Variants in INSYN2B observed in about 807,000 individuals in gnomAD.
INSYN2B encodes the protein protein INSYN2B.
In INSYN2B, 16 loss-of-function variants were observed where a neutral mutation model predicts 41.2. The observed-to-expected ratio is 0.39, with a 90% CI of 0.26 to 0.59. INSYN2B has a LOEUF of 0.59. Among genes scored for constraint, INSYN2B ranks in the 20% least tolerant of loss-of-function variants. The pLI is 0.57. For synonymous variants in INSYN2B, 245 were observed against 244.4 expected (o/e 1.00, Z -0.02); for missense variants, 608 against 646.4 (o/e 0.94, Z 0.64).
chr5:169,874,006 C>T (rs1002355913), intron 3 of INSYN2B, among the ~76,000 whole-genome samples: 2 of 152,176 alleles, frequency 1.3e-5, no homozygotes, highest in African/African-American at 2.4e-5. Context: ...AACGAGAATG[C>T]TGGTTGCTAG....
At position 169,943,336 on chromosome 5, in the gene INSYN2B, G is replaced by T. The variant is rs561414141; in HGVS notation, c.-919+36941C>A. On this transcript the variant is annotated intron_variant, in intron 1 of 3. Coordinates refer to ENST00000377365, the MANE Select transcript of INSYN2B (RefSeq NM_001129891.3). ...TGTCTAAAGGTTGATCCCACCCTGA[G>T]ATCCAGGCCCTGTGGACAGGCAATA... 3.9e-5 allele frequency among the ~76,000 whole-genome samples: 6 copies of T among 152,266 alleles called. No homozygotes were observed. In the South Asian group the frequency reaches 1.2e-3, roughly 32 times the overall value.
intron 1 of INSYN2B, among the ~76,000 whole-genome samples, chr5:169,959,609 G>A (rs986078941): frequency 6.6e-6 from 1 of 152,128 alleles, no homozygotes; most frequent in Non-Finnish European, 1.5e-5. Context: ...CTTTTATTGG[G>A]AATGCTTCAC....
chr5:169,947,114 T>G (rs1776483549), intron 1 of INSYN2B, among the ~76,000 whole-genome samples: 1 of 152,180 alleles, frequency 6.6e-6, no homozygotes, highest in African/African-American at 2.4e-5. Flanking sequence ...CTGTTACCAT[T>G]TTGGAAACTT....
At chr5:169,936,815 A>G (rs1293408450) in intron 1 of INSYN2B, among the ~76,000 whole-genome samples, 1 of 152,182 alleles carries the variant, frequency 6.6e-6, no homozygotes, top group Non-Finnish European at 1.5e-5. Flanking sequence ...TAAATTAGCT[A>G]AATTGACAAA....
At chr5:169,885,645 C>A (rs1309298007) in intron 1 of INSYN2B, among the ~76,000 whole-genome samples, 4 of 152,164 alleles carry the variant, frequency 2.6e-5, no homozygotes, top group African/African-American at 7.2e-5. Flanking sequence ...ACTTTACATG[C>A]ATTAATTAAA....
chr5:169,902,829 G>A (rs1382883464), intron 1 of INSYN2B, among the ~76,000 whole-genome samples: 1 of 152,152 alleles, frequency 6.6e-6, no homozygotes, highest in Non-Finnish European at 1.5e-5. Flanking sequence ...GCCAGGCGTG[G>A]TGGCTCACGC....
chr5:169,978,342 T>A (rs1278404910), intron 1 of INSYN2B, among the ~76,000 whole-genome samples: 1 of 127,678 alleles, frequency 7.8e-6, no homozygotes, highest in Non-Finnish European at 1.6e-5. Flanking sequence ...TTCCCTCAGT[T>A]CACATGGCAC....
At chr5:169,949,570 G>A (rs1332883503) in intron 1 of INSYN2B, among the ~76,000 whole-genome samples, 1 of 151,632 alleles carries the variant, frequency 6.6e-6, no homozygotes, top group African/African-American at 2.4e-5. Flanking sequence ...CAGAGGCGGG[G>A]GAGCACAGCA....
At chr5:169,933,969 C>T (rs1775874894) in intron 1 of INSYN2B, among the ~76,000 whole-genome samples, 1 of 152,130 alleles carries the variant, frequency 6.6e-6, no homozygotes, top group African/African-American at 2.4e-5. Flanking sequence ...TTGTCTTTTT[C>T]TTCACTCAGC....
At chr5:169,880,328 A>T (rs1216994414) in intron 3 of INSYN2B, among the ~76,000 whole-genome samples, 1 of 152,270 alleles carries the variant, frequency 6.6e-6, no homozygotes, top group African/African-American at 2.4e-5. Flanking sequence ...TTCCAGGCAT[A>T]TGGTCTCTTA....
At chr5:169,933,129 G>A (rs1182793160) in intron 1 of INSYN2B, among the ~76,000 whole-genome samples, 1 of 152,316 alleles carries the variant, frequency 6.6e-6, no homozygotes, top group East Asian at 1.9e-4. Context: ...CCTGAAACAG[G>A]GTAAGGAGAA....
chr5:169,916,297 G>A (rs545429065), intron 1 of INSYN2B, among the ~76,000 whole-genome samples: 8 of 152,336 alleles, frequency 5.3e-5, no homozygotes, highest in African/African-American at 1.7e-4. Context: ...TGTGACTTGG[G>A]ATTTGTGTCT....
rs553369944 is a variant in INSYN2B, at chr5:169,951,715, G to A, written c.-919+28562C>T. 4.6e-5 allele frequency among the ~76,000 whole-genome samples: 7 copies of A among 152,322 alleles called. No homozygotes were observed. The South Asian group carries it at 1.4e-3, about 32-fold the overall frequency. ...GCTTCTGTTATATACACAAACATATGTATAGCTACACCAAGGATTGTGCTC... is the reference window on the plus strand; with the variant it reads ...GCTTCTGTTATATACACAAACATATATATAGCTACACCAAGGATTGTGCTC... On this transcript the variant is annotated intron_variant, in intron 1 of 3. Transcript: ENST00000377365.
intron 1 of INSYN2B, chr5:169,934,755 A>G (rs760542218): frequency 2.2e-6 from 1 of 455,276 alleles, no homozygotes; most frequent in South Asian, 1.6e-5. Context: ...ATCAGTGCTC[A>G]GTAAATGCTA....
At chr5:169,948,984 C>T (rs915091945) in intron 1 of INSYN2B, among the ~76,000 whole-genome samples, 9 of 152,074 alleles carry the variant, frequency 5.9e-5, no homozygotes, top group Non-Finnish European at 1.3e-4. Flanking sequence ...TTATATGCAT[C>T]CAGTTACAAA....
At chr5:169,942,795 G>T (rs1776293711) in intron 1 of INSYN2B, among the ~76,000 whole-genome samples, 1 of 152,192 alleles carries the variant, frequency 6.6e-6, no homozygotes, top group Non-Finnish European at 1.5e-5. Context: ...TAACTGTCAG[G>T]AACCTCAGTC....
intron 1 of INSYN2B, among the ~76,000 whole-genome samples, chr5:169,916,756 A>G (rs1045330401): frequency 2.0e-5 from 3 of 152,192 alleles, no homozygotes; most frequent in Non-Finnish European, 4.4e-5. Context: ...AGAATTTGGC[A>G]TATATAAGTC....
intron 1 of INSYN2B, among the ~76,000 whole-genome samples, chr5:169,930,832 T>C (rs1480330004): frequency 6.6e-6 from 1 of 152,190 alleles, no homozygotes; most frequent in East Asian, 1.9e-4. Context: ...CTTTCAGCTC[T>C]TCATTGGGGG....
intron 1 of INSYN2B, among the ~76,000 whole-genome samples, chr5:169,934,278 C>A (rs781603961): frequency 6.6e-6 from 1 of 152,186 alleles, no homozygotes; most frequent in Non-Finnish European, 1.5e-5. Flanking sequence ...ACTGTATTTA[C>A]CCGGGAAGAC....
Sources: gnomAD v4.1 joint callset for allele counts (sites outside exome capture counted in the v4.1 genomes callset) on GRCh38, gnomAD v4.1.1 for gene constraint, MANE v1.5 for transcripts, NCBI Gene and HGNC (gene_info 2026-07-23, HGNC 2026-07-21) for gene names.